The following CIMIP7 variants were observed in gnomAD, a reference collection of about 807,000 sequenced individuals.
The protein encoded by CIMIP7 is ciliary microtubule inner protein 7, also known as uncharacterized protein C3orf84.
chr3:49,184,017 G>A, the CIMIP7 span, among the ~76,000 whole-genome samples: 1 of 152,148 alleles, frequency 6.6e-6, no homozygotes, highest in African/African-American at 2.4e-5. Flanking sequence ...AACTGTTTTT[G>A]AGACAAGGTC....
chr3:49,189,742 T>C, the CIMIP7 span: 9 of 522,036 alleles, frequency 1.7e-5, no homozygotes, highest in African/African-American at 3.8e-5. Context: ...CAAGGCTTAC[T>C]TCCTGGGTTC....
the CIMIP7 span, chr3:49,191,615 G>T: frequency 2.1e-6 from 2 of 974,518 alleles, no homozygotes; most frequent in Non-Finnish European, 3.3e-6. Context: ...GAGAGGAAGT[G>T]GGCGGCTCAG....
the CIMIP7 span, chr3:49,178,495 G>A: frequency 1.9e-6 from 3 of 1,613,712 alleles, no homozygotes; most frequent in Non-Finnish European, 2.5e-6. Context: ...GTCAAAGGAA[G>A]TACGGTTGTC....
At chr3:49,178,180 C>T in the CIMIP7 span, 6 of 840,752 alleles carry the variant, frequency 7.1e-6, no homozygotes, top group African/African-American at 1.0e-4. Flanking sequence ...ACCCTGGCCT[C>T]CTTGGCCTGC....
At chr3:49,191,830 CA>C in the CIMIP7 span, 1 of 1,506,870 alleles carries the variant, frequency 6.6e-7, no homozygotes, top group East Asian at 2.5e-5. Context: ...AGGGTATCTT[CA>C]GGAAAGAGAA....
the CIMIP7 span, among the ~76,000 whole-genome samples, chr3:49,188,961 G>GT: frequency 2.0e-5 from 3 of 149,474 alleles, no homozygotes; most frequent in African/African-American, 7.4e-5. Context: ...ACCATGCCCG[G>GT]TTATTTTTTT....
chr3:49,181,375 G>A, the CIMIP7 span, among the ~76,000 whole-genome samples: 18 of 151,048 alleles, frequency 1.2e-4, no homozygotes, highest in South Asian at 4.2e-4. Flanking sequence ...AGCTGAGGCC[G>A]TGCAGTGGCT....
the CIMIP7 span, among the ~76,000 whole-genome samples, chr3:49,181,343 GAAAAAA>G: frequency 1.9e-3 from 235 of 126,640 alleles, 1 homozygote; most frequent in Non-Finnish European, 3.3e-3. Flanking sequence ...CTATCTCCAA[GAAAAAA>G]AAAAAAAAAA....
the CIMIP7 span, among the ~76,000 whole-genome samples, chr3:49,187,786 A>C: frequency 2.0e-5 from 3 of 152,202 alleles, no homozygotes; most frequent in African/African-American, 7.2e-5. Flanking sequence ...GAAAATGTGC[A>C]ACTTCTCTGA....
chr3:49,178,081 C>T, the CIMIP7 span: 27 of 1,539,744 alleles, frequency 1.8e-5, no homozygotes, highest in African/African-American at 3.3e-4. Context: ...CCTTGGCCCA[C>T]ATTCCTGGCA....
chr3:49,180,212 G>A, the CIMIP7 span, among the ~76,000 whole-genome samples: 1 of 152,130 alleles, frequency 6.6e-6, no homozygotes. Context: ...GGAGGCAGAG[G>A]TTGCAGTGAG....
chr3:49,184,462 C>T, the CIMIP7 span, among the ~76,000 whole-genome samples: 4 of 152,094 alleles, frequency 2.6e-5, no homozygotes, highest in Non-Finnish European at 5.9e-5. Flanking sequence ...GCTGGGATTA[C>T]AGGCATGTGC....
chr3:49,185,116 C>G, the CIMIP7 span, among the ~76,000 whole-genome samples: 107 of 151,878 alleles, frequency 7.0e-4, no homozygotes, highest in African/African-American at 2.2e-3. Context: ...ACAAAATTAG[C>G]CGGGTGTGGT....
the CIMIP7 span, among the ~76,000 whole-genome samples, chr3:49,183,292 G>T: frequency 6.6e-6 from 1 of 152,358 alleles, no homozygotes; most frequent in African/African-American, 2.4e-5. Flanking sequence ...ATCAGGTATT[G>T]GTGAGAATGC....
At chr3:49,177,636 T>A in the CIMIP7 span, 1 of 1,569,504 alleles carries the variant, frequency 6.4e-7, no homozygotes, top group Non-Finnish European at 8.7e-7. Flanking sequence ...GGCTGCTGTG[T>A]CAGCTGTCCT....
chr3:49,187,416 C>T, the CIMIP7 span, among the ~76,000 whole-genome samples: 1 of 152,086 alleles, frequency 6.6e-6, no homozygotes, highest in African/African-American at 2.4e-5. Flanking sequence ...GGAGGCTGGG[C>T]AGTCTGCACT....
the CIMIP7 span, chr3:49,190,186 T>A: frequency 8.3e-5 from 115 of 1,388,002 alleles, no homozygotes; most frequent in East Asian, 2.7e-3. Flanking sequence ...ATCTCCACCA[T>A]GGATCCTAGA....
chr3:49,177,837 G>C, the CIMIP7 span: 1 of 1,613,126 alleles, frequency 6.2e-7, no homozygotes, highest in Non-Finnish European at 8.5e-7. Context: ...AGGTGGTCCT[G>C]GTATGGGAAG....
At chr3:49,178,446 G>T in the CIMIP7 span, 14 of 1,598,116 alleles carry the variant, frequency 8.8e-6, no homozygotes, top group East Asian at 3.1e-4. Flanking sequence ...TTAGGCTGGG[G>T]GACTGCCTGC....
Sources: allele counts gnomAD v4.1 joint callset (sites outside exome capture counted in the v4.1 genomes callset), GRCh38; gene constraint gnomAD v4.1.1; transcripts MANE v1.5; gene names NCBI Gene and HGNC (gene_info 2026-07-23, HGNC 2026-07-21).